Variants in CHD2 observed in about 807,000 individuals in gnomAD.
The protein encoded by CHD2 is chromodomain helicase DNA binding protein 2, also known as ATP-dependent chromatin remodeler CHD2.
A neutral mutation model predicts 243.9 loss-of-function variants in CHD2; 28 were observed. That is an observed-to-expected ratio of 0.11 (90% CI 0.09 to 0.16). The LOEUF is 0.16. Among genes scored for constraint, CHD2 ranks in the 10% least tolerant of loss-of-function variants. CHD2 has a pLI of 1.00. For synonymous variants in CHD2, 775 were observed against 779.0 expected (o/e 0.99, Z 0.09); for missense variants, 1,386 against 2,209.8 (o/e 0.63, Z 7.47).
At chr15:92,922,871 G>C (rs544440884) in intron 2 of CHD2, among the ~76,000 whole-genome samples, 1 of 152,128 alleles carries the variant, frequency 6.6e-6, no homozygotes, top group East Asian at 1.9e-4. Context: ...TGTTTTCTCT[G>C]TGCTTGAGAT....
At chr15:92,931,879 T>C (rs1246416094) in intron 5 of CHD2, among the ~76,000 whole-genome samples, 2 of 151,650 alleles carry the variant, frequency 1.3e-5, no homozygotes, top group African/African-American at 2.4e-5. Flanking sequence ...TTTTTTTTTT[T>C]TTGAGACGCA....
intron 16 of CHD2, among the ~76,000 whole-genome samples, chr15:92,957,383 A>T (rs2053629535): frequency 6.6e-6 from 1 of 152,186 alleles, no homozygotes; most frequent in African/African-American, 2.4e-5. Flanking sequence ...CTCATCTTAA[A>T]CGACCACCTC....
intron 5 of CHD2, among the ~76,000 whole-genome samples, chr15:92,929,547 C>T (rs1333903717): frequency 6.6e-6 from 1 of 152,076 alleles, no homozygotes; most frequent in Non-Finnish European, 1.5e-5. Context: ...TGTTGCAGTT[C>T]ATAAGCCAGA....
intron 2 of CHD2, chr15:92,905,031 A>T: frequency 1.3e-6 from 2 of 1,520,946 alleles, no homozygotes; most frequent in Non-Finnish European, 1.8e-6. Context: ...TAAGTACTAT[A>T]TATTTAAGAT....
In CHD2 at chr15:92,998,446, C is replaced by T. The variant is rs2054211642; in HGVS notation, c.3886-53C>T. The T allele has an allele frequency of 6.2e-7, 1 of 1,609,000 alleles. No individual in the cohort carries two copies. Among genetic ancestry groups the T allele is most frequent in the Non-Finnish European group, 8.5e-7 (1 of 1,176,786 alleles). ...TTTGTTGTCTCTGTTTATCCTGATC[C>T]ACTAACCAGGATGTGGGTGGTGGCG... On this transcript the variant is annotated intron_variant, in intron 30 of 38. Coordinates refer to ENST00000394196, the MANE Select transcript of CHD2 (RefSeq NM_001271.4). This position sits in a 1 kb window ranked among gnomAD's most constrained non-coding sequence, Gnocchi z 5.1.
At chr15:93,014,669 C>A (rs1157357272) in intron 36 of CHD2, 27 bp from the exon 37 acceptor site, 2 of 1,601,190 alleles carry the variant, frequency 1.2e-6, no homozygotes, top group Non-Finnish European at 1.7e-6. Flanking sequence ...GGATCTTGAG[C>A]TTCTTTGGTT....
rs2054209723 is a variant in CHD2 at position 92,998,221 on chromosome 15, G to A, written c.3886-278G>A. On this transcript the variant is annotated intron_variant, in intron 30 of 38. Transcript: ENST00000394196. The surrounding 1 kb of genome is among the most constrained non-coding windows in gnomAD (Gnocchi z 5.1). ...GATGCTCTAGCAGATGAAGCCACAA[G>A]CCCCTCCTACCTGAGTTGTTCTACC... is the stretch of plus-strand genomic sequence containing the variant. The A allele has an allele frequency of 9.1e-7, 1 of 1,094,306 alleles. No individual in the cohort carries two copies. Among genetic ancestry groups the A allele is most frequent in the Non-Finnish European group, 1.1e-6 (1 of 898,446 alleles). 67.8% of individuals were successfully genotyped at this position (1,094,306 alleles called of 1,614,324 possible).
chr15:92,911,111 A>T (rs2052726259), intron 2 of CHD2, among the ~76,000 whole-genome samples: 1 of 152,228 alleles, frequency 6.6e-6, no homozygotes, highest in African/African-American at 2.4e-5. Flanking sequence ...GGTGCATGAT[A>T]CTTGTAACTT....
At chr15:92,926,579 A>G (rs1288800081) in intron 3 of CHD2, among the ~76,000 whole-genome samples, 1 of 152,248 alleles carries the variant, frequency 6.6e-6, no homozygotes. Flanking sequence ...TAAACTTTTT[A>G]AATCACTGGT....
intron 26 of CHD2, 57 bp downstream of exon 26, chr15:92,985,730 G>T (rs2054033900): frequency 8.5e-6 from 13 of 1,535,040 alleles, no homozygotes; most frequent in Non-Finnish European, 8.8e-6. Flanking sequence ...TGTAAGTCTT[G>T]GGTTGACTGG....
At chr15:92,909,476 T>C (rs1396170736) in intron 2 of CHD2, among the ~76,000 whole-genome samples, 1 of 152,148 alleles carries the variant, frequency 6.6e-6, no homozygotes, top group Admixed American at 6.5e-5. Flanking sequence ...ACTTTGGATT[T>C]TTTGTTGTTG....
intron 2 of CHD2, among the ~76,000 whole-genome samples, chr15:92,914,580 A>AT (rs1404233585): frequency 2.0e-5 from 3 of 151,698 alleles, no homozygotes; most frequent in Non-Finnish European, 4.4e-5. Context: ...TTAAAGGTAA[A>AT]TTTTTTTTTC....
intron 37 of CHD2, among the ~76,000 whole-genome samples, chr15:93,015,354 C>T (rs914541949): frequency 2.0e-5 from 3 of 152,232 alleles, no homozygotes; most frequent in African/African-American, 7.2e-5. Context: ...GTTGGGATTA[C>T]AGGTGTGAAC....
intron 25 of CHD2, 58 bp downstream of exon 25, chr15:92,984,558 G>A: frequency 1.3e-6 from 2 of 1,484,964 alleles, no homozygotes; most frequent in Admixed American, 2.0e-5. Context: ...TGCTACAGAA[G>A]TGTTGATTAT....
intron 28 of CHD2, among the ~76,000 whole-genome samples, chr15:92,995,560 T>C (rs896401229): frequency 6.6e-6 from 1 of 152,236 alleles, no homozygotes; most frequent in Non-Finnish European, 1.5e-5. Flanking sequence ...ATGACTGAGA[T>C]AAATTCATAT....
rs770265874 is a variant in CHD2 at position 92,924,576 on chromosome 15, A to G, written c.294+24A>G. 7 of 1,596,698 alleles carry G rather than the reference A, an allele frequency of 4.4e-6. No homozygotes were observed. The Admixed American group carries it at 5.0e-5, about 11-fold the overall frequency. On this transcript the variant is annotated intron_variant, in intron 3 of 38. Coordinates refer to ENST00000394196, the MANE Select transcript of CHD2 (RefSeq NM_001271.4). ...AGGTATCTACTTTGCCCTGCAGTACAAATGTGCTGCTAGCCTAGGACAAGC... is the reference window on the plus strand; with the variant it reads ...AGGTATCTACTTTGCCCTGCAGTACGAATGTGCTGCTAGCCTAGGACAAGC...
At chr15:92,972,970 G>T (rs1041899779) in intron 19 of CHD2, among the ~76,000 whole-genome samples, 51 of 152,254 alleles carry the variant, frequency 3.3e-4, no homozygotes, top group Non-Finnish European at 6.8e-4. Flanking sequence ...TGGGTGGGGA[G>T]GATTAGAGAA....
At chr15:92,965,080 T>A (rs1440155688) in intron 16 of CHD2, among the ~76,000 whole-genome samples, 3 of 152,190 alleles carry the variant, frequency 2.0e-5, no homozygotes, top group African/African-American at 7.2e-5. Flanking sequence ...AAGATCAGAA[T>A]TTTTTCTAGT....
chr15:92,962,879 C>G (rs2053708780), intron 16 of CHD2, among the ~76,000 whole-genome samples: 1 of 152,026 alleles, frequency 6.6e-6, no homozygotes, highest in Non-Finnish European at 1.5e-5. Context: ...TGGTCAATAT[C>G]AGAATGTCCC....
Sources: allele counts gnomAD v4.1 joint callset (sites outside exome capture counted in the v4.1 genomes callset), GRCh38; gene constraint gnomAD v4.1.1; non-coding constraint Gnocchi (gnomAD v3.1); transcripts MANE v1.5; gene names NCBI Gene and HGNC (gene_info 2026-07-23, HGNC 2026-07-21).